CACNA2D3: variants seen among roughly 807,000 people sequenced by gnomAD.
CACNA2D3 encodes the protein voltage-dependent calcium channel subunit alpha-2/delta-3.
Under a neutral mutation model 160.6 loss-of-function variants are expected in CACNA2D3, and 60 were observed. The ratio of observed to expected loss-of-function variants is 0.37; its 90% CI spans 0.30 to 0.46. CACNA2D3 has a LOEUF of 0.46. CACNA2D3 is among the 20% of genes least tolerant of loss of function. The pLI is 1.00. For synonymous variants in CACNA2D3, 558 were observed against 492.9 expected, an observed-to-expected ratio of 1.13 and a Z score of -1.75; for missense variants, 1,205 against 1,365.0, an observed-to-expected ratio of 0.88 and a Z score of 1.85.
intron 2 of CACNA2D3, among the ~76,000 whole-genome samples, chr3:54,242,496 A>G (rs1355237406): frequency 6.6e-6 from 1 of 152,148 alleles, no homozygotes; most frequent in Non-Finnish European, 1.5e-5. Context: ...TAGAACAATT[A>G]TAACAATATG....
At chr3:54,680,140 T>C (rs1700314397) in intron 11 of CACNA2D3, among the ~76,000 whole-genome samples, 1 of 151,802 alleles carries the variant, frequency 6.6e-6, no homozygotes, top group Non-Finnish European at 1.5e-5. Context: ...TAAAATAGCC[T>C]CCAGATTCAT....
At chr3:54,192,978 A>G (rs1256136079) in intron 2 of CACNA2D3, among the ~76,000 whole-genome samples, 1 of 152,180 alleles carries the variant, frequency 6.6e-6, no homozygotes, top group South Asian at 2.1e-4. Flanking sequence ...CTATCCTTCA[A>G]ATGTCTTTTC....
In CACNA2D3 at chr3:54,952,772, A is replaced by G. The variant is rs145948089; in HGVS notation, c.2450-15678A>G. Among the ~76,000 whole-genome samples the G allele has an allele frequency of 3.0e-3, 450 of 152,240 alleles. 4 individuals are homozygous for G. The highest frequency in any genetic ancestry group is 0.01 in the African/African-American group (422 of 41,540). On this transcript the variant is annotated intron_variant, in intron 27 of 37. Transcript: ENST00000474759. Reference sequence around the variant, plus strand: ...CCAGCCCAGCCACTCCAAAACCTCAATGCCCTCAGCTGTAGAACAGAGGGA... The same window carrying G: ...CCAGCCCAGCCACTCCAAAACCTCAGTGCCCTCAGCTGTAGAACAGAGGGA...
At chr3:54,272,954 C>T (rs1431568031) in intron 2 of CACNA2D3, 1 of 152,340 alleles carries the variant, frequency 6.6e-6, no homozygotes, top group Non-Finnish European at 1.5e-5. Flanking sequence ...GAGCCCTGCG[C>T]TTGAGAACAT....
At chr3:54,443,099 A>G (rs1700169426) in intron 4 of CACNA2D3, among the ~76,000 whole-genome samples, 1 of 152,206 alleles carries the variant, frequency 6.6e-6, no homozygotes, top group Non-Finnish European at 1.5e-5. Context: ...TAGGTGCTGA[A>G]TAAAGTTAAT....
intron 27 of CACNA2D3, among the ~76,000 whole-genome samples, chr3:54,961,925 A>G (rs935489508): frequency 2.6e-5 from 4 of 152,010 alleles, no homozygotes; most frequent in Non-Finnish European, 5.9e-5. Flanking sequence ...GTGGTGAGGG[A>G]CTTGCTGGTG....
At chr3:54,630,936 T>C (rs1264438841) in intron 10 of CACNA2D3, among the ~76,000 whole-genome samples, 1 of 152,090 alleles carries the variant, frequency 6.6e-6, no homozygotes, top group South Asian at 2.1e-4. Flanking sequence ...GCACGGTGGC[T>C]CACACCTGTA....
intron 13 of CACNA2D3, among the ~76,000 whole-genome samples, chr3:54,807,446 A>G (rs866674126): frequency 2.0e-4 from 30 of 152,366 alleles, no homozygotes; most frequent in South Asian, 6.2e-4. Flanking sequence ...CAAAAAACAC[A>G]TGAAAAAATG....
At chr3:54,632,137 C>T (rs1559532833) in intron 10 of CACNA2D3, 1 of 152,196 alleles carries the variant, frequency 6.6e-6, no homozygotes, top group South Asian at 2.1e-4. Flanking sequence ...CTCATCAAAC[C>T]ATTTGAATTT....
chr3:54,850,152 T>C (rs995832188), intron 17 of CACNA2D3, among the ~76,000 whole-genome samples: 1 of 152,192 alleles, frequency 6.6e-6, no homozygotes, highest in African/African-American at 2.4e-5. Flanking sequence ...CGCCACCAGC[T>C]TGTGACTTCC....
chr3:55,019,879 A>G (rs910202746), intron 35 of CACNA2D3, among the ~76,000 whole-genome samples: 10 of 152,108 alleles, frequency 6.6e-5, no homozygotes, highest in Admixed American at 6.6e-4. Context: ...GGACTTTTTT[A>G]TTGTCATAAA....
At chr3:54,474,239 T>A (rs900062018) in intron 4 of CACNA2D3, among the ~76,000 whole-genome samples, 4 of 152,186 alleles carry the variant, frequency 2.6e-5, no homozygotes, top group African/African-American at 9.6e-5. Context: ...TGAGTTCATG[T>A]CCTTTGCGGG....
chr3:54,675,390 G>A (rs1700221586), intron 11 of CACNA2D3, among the ~76,000 whole-genome samples: 1 of 152,204 alleles, frequency 6.6e-6, no homozygotes. Context: ...CGGCTGGACA[G>A]AGGCAGTCAT....
At chr3:54,218,160 C>G (rs1701497769) in intron 2 of CACNA2D3, among the ~76,000 whole-genome samples, 1 of 152,160 alleles carries the variant, frequency 6.6e-6, no homozygotes, top group African/African-American at 2.4e-5. Context: ...GTGGGACTAT[C>G]CCCTTCACAT....
At chr3:54,992,079 G>A (rs1262105406) in intron 31 of CACNA2D3, among the ~76,000 whole-genome samples, 3 of 152,092 alleles carry the variant, frequency 2.0e-5, no homozygotes, top group Non-Finnish European at 4.4e-5. Flanking sequence ...TAGCATCCCT[G>A]GGGACCTTTA....
intron 5 of CACNA2D3, among the ~76,000 whole-genome samples, chr3:54,550,831 A>C (rs1471174651): frequency 6.6e-6 from 1 of 152,102 alleles, no homozygotes; most frequent in East Asian, 1.9e-4. Context: ...GAGAGCTTCA[A>C]CAGCTGGCAC....
chr3:54,447,403 A>G lies in CACNA2D3; in HGVS notation c.382-56089A>G, dbSNP rs145788775. 6.7e-3 allele frequency among the ~76,000 whole-genome samples: 1,026 copies of G among 152,284 alleles called. 13 individuals are homozygous for G. Among genetic ancestry groups the G allele is most frequent in the African/African-American group, 0.024 (981 of 41,570 alleles). On this transcript the variant is annotated intron_variant, in intron 4 of 37. Transcript: ENST00000474759. ...TTTCAGGACTGGTTCAAGCCTAAGA[A>G]CCTCAAATGTCTGTGAGAGGAAGTT...
At chr3:54,517,398 G>T (rs1701568917) in intron 5 of CACNA2D3, among the ~76,000 whole-genome samples, 1 of 152,216 alleles carries the variant, frequency 6.6e-6, no homozygotes, top group South Asian at 2.1e-4. Context: ...AAGCATTGGT[G>T]TGGGTATGCT....
At chr3:54,631,634 T>G (rs1699240338) in intron 10 of CACNA2D3, among the ~76,000 whole-genome samples, 1 of 152,214 alleles carries the variant, frequency 6.6e-6, no homozygotes, top group Non-Finnish European at 1.5e-5. Flanking sequence ...TTATTCTGTT[T>G]TACAGTTACC....
Sources: gnomAD v4.1 joint callset for allele counts (sites outside exome capture counted in the v4.1 genomes callset) on GRCh38, gnomAD v4.1.1 for gene constraint, MANE v1.5 for transcripts, NCBI Gene and HGNC (gene_info 2026-07-23, HGNC 2026-07-21) for gene names.